Variants in ANK3 observed in about 807,000 individuals in gnomAD.
ANK3 encodes ankyrin-3.
Under a neutral mutation model 370.9 loss-of-function variants are expected in ANK3, and 57 were observed. That is an observed-to-expected ratio of 0.15 (90% CI 0.12 to 0.19). The LOEUF is 0.19. Ranked by LOEUF, ANK3 falls within the 10% of genes least tolerant of loss-of-function variation. ANK3 has a pLI of 1.00. For missense variants in ANK3, 4,439 were observed against 5,302.1 expected (o/e 0.84, Z 5.06); for synonymous variants, 1,929 against 1,946.3 (o/e 0.99, Z 0.23).
chr10:60,174,646 G>C (rs541094468), intron 18 of ANK3, among the ~76,000 whole-genome samples: 1 of 152,272 alleles, frequency 6.6e-6, no homozygotes, highest in Admixed American at 6.5e-5. Flanking sequence ...AATTCTTTGA[G>C]ATTTTAGTCA....
intron 36 of ANK3, among the ~76,000 whole-genome samples, chr10:60,079,302 A>G (rs914022923): frequency 6.6e-6 from 1 of 151,970 alleles, no homozygotes; most frequent in Non-Finnish European, 1.5e-5. Context: ...CATTTCTGCT[A>G]GAGGAGAACA....
intron 1 of ANK3, among the ~76,000 whole-genome samples, chr10:60,661,383 T>C (rs2078933945): frequency 6.6e-6 from 1 of 152,144 alleles, no homozygotes. Flanking sequence ...GCATTTCTTT[T>C]TCCCTCTACC....
intron 7 of ANK3, among the ~76,000 whole-genome samples, chr10:60,261,317 A>G (rs1019710704): frequency 1.3e-5 from 2 of 152,188 alleles, no homozygotes; most frequent in Admixed American, 6.5e-5. Context: ...AGTGGGCCAT[A>G]TGACATTGTA....
At chr10:60,149,955 C>T (rs371051030) in intron 23 of ANK3, among the ~76,000 whole-genome samples, 6 of 152,176 alleles carry the variant, frequency 3.9e-5, no homozygotes, top group South Asian at 4.1e-4. Context: ...GTGATCCATC[C>T]GCCTCACCCT....
intron 17 of ANK3, among the ~76,000 whole-genome samples, chr10:60,186,417 C>T (rs1203985675): frequency 1.3e-5 from 2 of 149,268 alleles, no homozygotes; most frequent in African/African-American, 5.0e-5. Context: ...AAGAAGCAAT[C>T]AGAGCTCACT....
chr10:60,383,644 C>G (rs914065195), intron 1 of ANK3, among the ~76,000 whole-genome samples: 7 of 152,060 alleles, frequency 4.6e-5, no homozygotes, highest in African/African-American at 1.7e-4. Flanking sequence ...AATTATGGTA[C>G]AGAATATCAA....
chr10:60,472,490 G>A (rs1359287969), intron 2 of ANK3, among the ~76,000 whole-genome samples: 3 of 152,128 alleles, frequency 2.0e-5, no homozygotes, highest in Non-Finnish European at 4.4e-5. Context: ...GAAAAGTTCT[G>A]GAAATGCTTG....
At chr10:60,160,336 C>T (rs966386432) in intron 23 of ANK3, among the ~76,000 whole-genome samples, 5 of 151,982 alleles carry the variant, frequency 3.3e-5, no homozygotes, top group African/African-American at 1.2e-4. Context: ...ACACATAAAG[C>T]CTACAAAGAT....
intron 2 of ANK3, among the ~76,000 whole-genome samples, chr10:60,429,010 T>G (rs2063953086): frequency 1.4e-5 from 2 of 143,312 alleles, no homozygotes; most frequent in Non-Finnish European, 3.0e-5. Context: ...AACTTATGTA[T>G]TTGGAGCCCA....
At chr10:60,035,563 C>A (rs1175529595) in intron 43 of ANK3, among the ~76,000 whole-genome samples, 2 of 151,652 alleles carry the variant, frequency 1.3e-5, no homozygotes, top group African/African-American at 4.8e-5. Flanking sequence ...AAAAAGAGAG[C>A]CACAAAGCTT....
chr10:60,648,481 G>A (rs1257921869), intron 1 of ANK3, among the ~76,000 whole-genome samples: 1 of 145,228 alleles, frequency 6.9e-6, no homozygotes, highest in Admixed American at 6.9e-5. Flanking sequence ...TTAAAATCTT[G>A]TTGGGAGGGC....
At chr10:60,551,923 G>C (rs1348007500) in intron 2 of ANK3, among the ~76,000 whole-genome samples, 2 of 152,162 alleles carry the variant, frequency 1.3e-5, no homozygotes, top group African/African-American at 4.8e-5. Flanking sequence ...ATCAATATGG[G>C]AGATGATGCA....
chr10:60,337,400 G>A (rs1435244379), intron 1 of ANK3, among the ~76,000 whole-genome samples: 1 of 151,882 alleles, frequency 6.6e-6, no homozygotes, highest in African/African-American at 2.4e-5. Context: ...CCTTATACAT[G>A]ACCCTCTCTG....
At chr10:60,172,849 C>T (rs1167511645) in intron 20 of ANK3, 51 bp downstream of exon 20, 1 of 1,218,966 alleles carries the variant, frequency 8.2e-7, no homozygotes, top group East Asian at 2.3e-5. Flanking sequence ...CACCAGAGTC[C>T]AGGCCCATCT....
chr10:60,273,804 T>C lies in ANK3; in HGVS notation c.415-3575A>G, dbSNP rs1419773491. ...TCATAAGATCTGATGGTTTTATAAA[T>C]GGGAGTTTCCCTGCACAAGCTCTCT... On this transcript the variant is annotated intron_variant, in intron 4 of 43. Coordinates refer to ENST00000280772, the MANE Select transcript of ANK3 (RefSeq NM_020987.5). Among the ~76,000 whole-genome samples the C allele has an allele frequency of 2.6e-5, 4 of 152,166 alleles. No homozygotes were observed. The East Asian group carries it at 5.8e-4, about 22-fold the overall frequency.
At chr10:60,310,227 AGTT>A (rs2046072253) in intron 1 of ANK3, among the ~76,000 whole-genome samples, 1 of 152,096 alleles carries the variant, frequency 6.6e-6, no homozygotes, top group Non-Finnish European at 1.5e-5. Context: ...GCCATACTGC[AGTT>A]TTTTAAAAAG....
chr10:60,690,612 C>T (rs1564561042), intron 1 of ANK3, among the ~76,000 whole-genome samples: 2 of 152,184 alleles, frequency 1.3e-5, no homozygotes, highest in East Asian at 3.9e-4. Context: ...GTGCTTCTAA[C>T]TAGCTGGTGC....
chr10:60,247,626 T>C (rs968507226), intron 7 of ANK3, among the ~76,000 whole-genome samples: 5 of 152,290 alleles, frequency 3.3e-5, no homozygotes, highest in African/African-American at 9.6e-5. Flanking sequence ...GTATTTGTCT[T>C]TTTGTGACTG....
At position 60,111,720 on chromosome 10, in the gene ANK3, GAC is replaced by G. The variant is rs1292793852; in HGVS notation, c.2948+2503_2948+2504del. ...TACAAAAAGGATGGTTCACATAAAG[GAC>G]ACAGTTATCACCTTGAATCATACTG... On this transcript the variant is annotated intron_variant, in intron 26 of 43. Transcript: ENST00000280772. The G allele has an allele frequency of 2.2e-5, 10 of 454,562 alleles. No homozygotes were observed. The East Asian group carries it at 5.6e-4, about 25-fold the overall frequency. 28.2% of individuals were successfully genotyped at this position (454,562 alleles called of 1,614,324 possible).
Sources: gnomAD v4.1 joint callset for allele counts (sites outside exome capture counted in the v4.1 genomes callset) on GRCh38, gnomAD v4.1.1 for gene constraint, MANE v1.5 for transcripts, NCBI Gene and HGNC (gene_info 2026-07-23, HGNC 2026-07-21) for gene names.